The following RORA variants were observed in gnomAD, a reference collection of about 807,000 sequenced individuals.
RORA encodes the protein nuclear receptor ROR-alpha.
A neutral mutation model predicts 69.5 loss-of-function variants in RORA; 7 were observed. The ratio of observed to expected loss-of-function variants is 0.10; its 90% confidence interval spans 0.06 to 0.19. The LOEUF (loss-of-function observed/expected upper bound fraction) is 0.19, where lower values mean the gene tolerates loss of function less well. RORA is among the 10% of genes least tolerant of loss of function. RORA has a pLI of 1.00. For synonymous variants in RORA, 261 were observed against 240.8 expected (o/e 1.08, Z -0.78); for missense variants, 457 against 663.0 (o/e 0.69, Z 3.41).
chr15:61,036,574 A>C (rs1032640195), intron 1 of RORA, among the ~76,000 whole-genome samples: 5 of 152,192 alleles, frequency 3.3e-5, no homozygotes, highest in African/African-American at 1.2e-4. Flanking sequence ...CGTTTTAATA[A>C]ACATCTTTGA....
chr15:61,143,735 G>A (rs372775256), intron 1 of RORA, among the ~76,000 whole-genome samples: 13 of 152,180 alleles, frequency 8.5e-5, no homozygotes, highest in African/African-American at 3.1e-4. Flanking sequence ...AAATAATGCT[G>A]GTTCCACTCT....
At chr15:61,030,892 C>T (rs1896130971) in intron 1 of RORA, among the ~76,000 whole-genome samples, 1 of 152,026 alleles carries the variant, frequency 6.6e-6, no homozygotes, top group African/African-American at 2.4e-5. Flanking sequence ...TAGTTTAAAA[C>T]TCACAAAACT....
intron 1 of RORA, among the ~76,000 whole-genome samples, chr15:61,058,056 G>C (rs556984668): frequency 6.6e-5 from 10 of 152,284 alleles, no homozygotes; most frequent in South Asian, 2.1e-4. Flanking sequence ...GCCCCTTACA[G>C]GCTTGAGTAG....
At chr15:60,940,504 G>A (rs563452393) in intron 1 of RORA, among the ~76,000 whole-genome samples, 20 of 152,186 alleles carry the variant, frequency 1.3e-4, no homozygotes, top group Non-Finnish European at 2.2e-4. Context: ...AGGTTGCAGG[G>A]GGACGGGATT....
intron 2 of RORA, among the ~76,000 whole-genome samples, chr15:60,625,129 A>G (rs1032793962): frequency 3.3e-5 from 5 of 152,212 alleles, no homozygotes; most frequent in African/African-American, 4.8e-5. Flanking sequence ...CCAAGCTCCA[A>G]TGGAGAGAGG....
rs76221379 is a variant in RORA, at chr15:60,801,662, G to A, written c.167-122976C>T. On this transcript the variant is annotated intron_variant, in intron 1 of 10. Transcript: ENST00000335670. ...GGCCTCAAATGCCCCCAGTGCAGCC[G>A]CCTGAAAGCCCGGGAGAGGCACGCC... Among the ~76,000 whole-genome samples the A allele has an allele frequency of 4.6e-5, 7 of 152,316 alleles. No individual in the cohort carries two copies. The East Asian group carries it at 1.4e-3, about 29-fold the overall frequency.
At chr15:61,047,382 C>G (rs572930570) in intron 1 of RORA, among the ~76,000 whole-genome samples, 2 of 152,364 alleles carry the variant, frequency 1.3e-5, no homozygotes, top group South Asian at 2.1e-4. Context: ...TCATTCTATA[C>G]TCACATTTTT....
chr15:61,117,757 T>C (rs1036193634), intron 1 of RORA, among the ~76,000 whole-genome samples: 2 of 152,246 alleles, frequency 1.3e-5, no homozygotes, highest in East Asian at 3.8e-4. Context: ...AAATTCCAAA[T>C]TTTCTATTTT....
chr15:60,820,631 G>C (rs1473132477), intron 1 of RORA, among the ~76,000 whole-genome samples: 2 of 152,082 alleles, frequency 1.3e-5, no homozygotes, highest in African/African-American at 2.4e-5. Flanking sequence ...TGGGAGTAAA[G>C]GCAGAGGGGT....
At chr15:60,628,348 A>G (rs1215331167) in intron 2 of RORA, among the ~76,000 whole-genome samples, 1 of 152,082 alleles carries the variant, frequency 6.6e-6, no homozygotes, top group East Asian at 1.9e-4. Context: ...TCATGGTTAG[A>G]CTGGGGTTTG....
At chr15:60,605,618 T>C (rs921044858) in intron 2 of RORA, among the ~76,000 whole-genome samples, 6 of 152,310 alleles carry the variant, frequency 3.9e-5, no homozygotes, top group Non-Finnish European at 5.9e-5. Flanking sequence ...TTTAAGATTA[T>C]TGGTCTTTAA....
intron 1 of RORA, among the ~76,000 whole-genome samples, chr15:61,087,844 G>A (rs906233699): frequency 6.6e-6 from 1 of 152,224 alleles, no homozygotes. Context: ...TGGCCAGGGA[G>A]CCATAAATGT....
intron 1 of RORA, among the ~76,000 whole-genome samples, chr15:60,904,123 A>G (rs150356084): frequency 5.9e-5 from 9 of 152,330 alleles, no homozygotes; most frequent in African/African-American, 1.9e-4. Context: ...ACATATAACT[A>G]TCGTAATATA....
intron 1 of RORA, among the ~76,000 whole-genome samples, chr15:61,109,331 G>C (rs1444095990): frequency 1.3e-5 from 2 of 152,188 alleles, no homozygotes; most frequent in African/African-American, 2.4e-5. Context: ...TTGGAACTTA[G>C]AACAGTGGCT....
chr15:61,163,373 A>G (rs2079513183), intron 1 of RORA, among the ~76,000 whole-genome samples: 1 of 152,156 alleles, frequency 6.6e-6, no homozygotes, highest in Admixed American at 6.5e-5. Flanking sequence ...ACCTAGCAAT[A>G]TCTATTCAGA....
At chr15:60,550,854 TG>T (rs555051484) in intron 2 of RORA, among the ~76,000 whole-genome samples, 38 of 152,318 alleles carry the variant, frequency 2.5e-4, no homozygotes, top group Middle Eastern at 3.4e-3. Flanking sequence ...CAAAATTGAA[TG>T]AACTCATTAC....
intron 1 of RORA, among the ~76,000 whole-genome samples, chr15:60,692,425 T>C (rs1379450617): frequency 6.6e-6 from 1 of 152,212 alleles, no homozygotes; most frequent in African/African-American, 2.4e-5. Context: ...AAAAATGAGT[T>C]CACGCTACAT....
At chr15:60,850,663 C>A (rs2073314206) in intron 1 of RORA, among the ~76,000 whole-genome samples, 2 of 152,150 alleles carry the variant, frequency 1.3e-5, no homozygotes, top group Admixed American at 6.5e-5. Flanking sequence ...CCAGACAGAG[C>A]AGAGCTGGTT....
intron 1 of RORA, among the ~76,000 whole-genome samples, chr15:60,762,735 G>A (rs925412259): frequency 6.6e-6 from 1 of 152,052 alleles, no homozygotes; most frequent in Non-Finnish European, 1.5e-5. Context: ...TCATCTAACC[G>A]CTACCCTAAA....
Sources: allele counts gnomAD v4.1 joint callset (sites outside exome capture counted in the v4.1 genomes callset), GRCh38; gene constraint gnomAD v4.1.1; transcripts MANE v1.5; gene names NCBI Gene and HGNC (gene_info 2026-07-23, HGNC 2026-07-21).